GRID2: variants seen among roughly 807,000 people sequenced by gnomAD.
GRID2 encodes the protein glutamate ionotropic receptor delta type subunit 2.
In GRID2, 33 loss-of-function variants were observed where a neutral mutation model predicts 114.8. The observed-to-expected ratio is 0.29, with a 90% CI of 0.22 to 0.38. The LOEUF is 0.38. Among genes scored for constraint, GRID2 ranks in the 10% least tolerant of loss-of-function variants. The probability of loss-of-function intolerance (pLI) is 1.00; values close to 1 mark genes in which losing one functional copy is unlikely to be tolerated. For missense variants in GRID2, 1,184 were observed against 1,257.7 expected (o/e 0.94, Z 0.89); for synonymous variants, 505 against 449.9 (o/e 1.12, Z -1.55).
chr4:93,701,811 A>C (rs1727533644), intron 14 of GRID2, among the ~76,000 whole-genome samples: 1 of 152,024 alleles, frequency 6.6e-6, no homozygotes, highest in South Asian at 2.1e-4. Context: ...CAAAATAGTA[A>C]AACCCCATCT....
intron 13 of GRID2, among the ~76,000 whole-genome samples, chr4:93,542,210 T>C (rs545119071): frequency 1.3e-5 from 2 of 152,322 alleles, no homozygotes; most frequent in South Asian, 4.1e-4. Context: ...CTCTGTTGTA[T>C]TCATTGCTGT....
At chr4:92,792,302 G>A (rs1227401466) in intron 2 of GRID2, among the ~76,000 whole-genome samples, 1 of 151,812 alleles carries the variant, frequency 6.6e-6, no homozygotes, top group African/African-American at 2.4e-5. Flanking sequence ...GTTCAGAGTT[G>A]TTAGGGAGGT....
intron 2 of GRID2, among the ~76,000 whole-genome samples, chr4:92,978,511 GTTTC>G (rs1754004145): frequency 6.6e-6 from 1 of 151,804 alleles, no homozygotes; most frequent in Non-Finnish European, 1.5e-5. Flanking sequence ...TTCCTACTTT[GTTTC>G]TTTTCTCAGG....
chr4:93,759,834 A>C (rs545462005), intron 14 of GRID2, among the ~76,000 whole-genome samples: 1 of 152,344 alleles, frequency 6.6e-6, no homozygotes. Flanking sequence ...GTGTTAGCCA[A>C]GGGACTTGAG....
chr4:93,581,770 T>C (rs1737003055), intron 13 of GRID2, among the ~76,000 whole-genome samples: 1 of 152,172 alleles, frequency 6.6e-6, no homozygotes, highest in African/African-American at 2.4e-5. Context: ...GATGGAGAAC[T>C]CTTTCTCTAT....
chr4:93,209,929 C>T (rs2149473499), intron 5 of GRID2, among the ~76,000 whole-genome samples: 1 of 152,048 alleles, frequency 6.6e-6, no homozygotes, highest in African/African-American at 2.4e-5. Flanking sequence ...ATGTCCTTTG[C>T]CCACTTTTAA....
intron 8 of GRID2, chr4:93,319,880 G>C (rs912168639): frequency 9.9e-5 from 15 of 152,110 alleles, no homozygotes; most frequent in Non-Finnish European, 1.9e-4. Flanking sequence ...CCAGATAAGA[G>C]TCCAGCCTAC....
chr4:93,021,430 TGATA>T (rs1236617299), intron 2 of GRID2, among the ~76,000 whole-genome samples: 1 of 149,734 alleles, frequency 6.7e-6, no homozygotes, highest in African/African-American at 2.4e-5. Flanking sequence ...ATTATAAAAA[TGATA>T]GATATTTAAT....
chr4:92,479,976 G>T (rs971225422), intron 1 of GRID2, among the ~76,000 whole-genome samples: 4 of 152,054 alleles, frequency 2.6e-5, no homozygotes, highest in African/African-American at 9.7e-5. Context: ...GTGATTCTTT[G>T]AAACATTGTA....
intron 13 of GRID2, among the ~76,000 whole-genome samples, chr4:93,531,809 T>A (rs1731475058): frequency 6.6e-6 from 1 of 152,124 alleles, no homozygotes. Flanking sequence ...TTATGTTCAT[T>A]GTATTAACTC....
At chr4:93,650,962 C>T (rs573150199) in intron 14 of GRID2, among the ~76,000 whole-genome samples, 275 of 152,148 alleles carry the variant, frequency 1.8e-3, no homozygotes, top group African/African-American at 4.5e-3. Flanking sequence ...TTACTGAATG[C>T]GAAATGATCA....
chr4:92,855,913 G>C (rs1159812206), intron 2 of GRID2, among the ~76,000 whole-genome samples: 1 of 151,986 alleles, frequency 6.6e-6, no homozygotes, highest in Admixed American at 6.6e-5. Context: ...ATTGTACAAT[G>C]TTAACAGTCT....
intron 13 of GRID2, among the ~76,000 whole-genome samples, chr4:93,614,160 C>T (rs1336317580): frequency 1.3e-5 from 2 of 152,214 alleles, no homozygotes; most frequent in Non-Finnish European, 2.9e-5. Context: ...ATGCCTCGCC[C>T]TGCTTCAGCT....
chr4:92,413,807 G>T lies in GRID2; in HGVS notation c.88+109063G>T, dbSNP rs535901339. ...AGTAATTTCACTGCTGTAATGTGAA[G>T]AAATTTTAGTATTTTGAAAGATAAA... On this transcript the variant is annotated intron_variant, in intron 1 of 15. Coordinates refer to ENST00000282020, the MANE Select transcript of GRID2 (RefSeq NM_001510.4). 2.0e-5 allele frequency among the ~76,000 whole-genome samples: 3 copies of T among 152,156 alleles called. No individual in the cohort carries two copies. The South Asian group carries it at 6.2e-4, about 32-fold the overall frequency.
Position 93,155,285 on chromosome 4 carries a change from A to C in GRID2, c.735+44332A>C. Among the ~76,000 whole-genome samples, 2 of 152,104 alleles carry C rather than the reference A, an allele frequency of 1.3e-5. 1 individual carries two copies. Among genetic ancestry groups the C allele is most frequent in the Middle Eastern group, 6.8e-3 (2 of 294 alleles). Reference sequence around the variant, plus strand: ...TCCCACTACCACATGAGGATGTTCTAGCCATTCTGAAAAATCTTCATGCCT... The same window carrying C: ...TCCCACTACCACATGAGGATGTTCTCGCCATTCTGAAAAATCTTCATGCCT... On this transcript the variant is annotated intron_variant, in intron 4 of 15. Transcript: ENST00000282020.
chr4:93,126,493 C>T (rs1171356124), intron 4 of GRID2, among the ~76,000 whole-genome samples: 1 of 149,960 alleles, frequency 6.7e-6, no homozygotes, highest in African/African-American at 2.5e-5. Context: ...GCAGCATCTG[C>T]CTGTACCTAG....
At chr4:92,418,800 T>C (rs1199606694) in intron 1 of GRID2, among the ~76,000 whole-genome samples, 3 of 152,084 alleles carry the variant, frequency 2.0e-5, no homozygotes, top group South Asian at 2.1e-4. Flanking sequence ...TAGGTCCTGT[T>C]AGTAAGAAAT....
rs146840903 is a variant in GRID2, at chr4:92,762,272, C to T, written c.244+171986C>T. Among the ~76,000 whole-genome samples, 998 of 152,042 alleles carry T rather than the reference C, an allele frequency of 6.6e-3. 11 individuals are homozygous for T. Among genetic ancestry groups the T allele is most frequent in the African/African-American group, 0.022 (893 of 41,492 alleles). On this transcript the variant is annotated intron_variant, in intron 2 of 15. Coordinates refer to ENST00000282020, the MANE Select transcript of GRID2 (RefSeq NM_001510.4). ...TCCAGGCTGAGATTAAGAGCAATTT[C>T]TTACTGATTAAATATATTAAAATAT...
Position 93,085,123 on chromosome 4 carries a change from G to T in GRID2, c.373G>T (p.Gly125Trp). The T allele has an allele frequency of 6.2e-7, 1 of 1,614,104 alleles. No homozygotes were observed. The highest frequency in any genetic ancestry group is 8.5e-7 in the Non-Finnish European group (1 of 1,180,012). Residue 125 changes from glycine to tryptophan, a missense_variant, in exon 3 of 16, where the codon GGG becomes TGG. Physicochemically the swap from Gly to Trp is radical, Grantham distance 184. Transcript: ENST00000282020. The stretch of plus-strand genomic sequence containing the variant: ...CCTCTTCATTCAGCGCTCAACAGCT[G>T]GGACCCCAAGGAGTGGCTGTGGACT... Reference protein sequence around the residue: ...PHLFIQRSTAGTPRSGCGLTR... With the variant: ...PHLFIQRSTAWTPRSGCGLTR...
Sources: allele counts gnomAD v4.1 joint callset (sites outside exome capture counted in the v4.1 genomes callset), GRCh38; gene constraint gnomAD v4.1.1; transcripts MANE v1.5; gene names NCBI Gene and HGNC (gene_info 2026-07-23, HGNC 2026-07-21).